The following SYT14 variants were observed in gnomAD, a reference collection of about 807,000 sequenced individuals.
SYT14 encodes the protein synaptotagmin 14, also known as synaptotagmin-14.
A neutral mutation model predicts 74.2 loss-of-function variants in SYT14; 32 were observed. The ratio of observed to expected loss-of-function variants is 0.43; its 90% CI spans 0.33 to 0.58. The LOEUF is 0.58. Ranked by LOEUF, SYT14 falls within the 20% of genes least tolerant of loss-of-function variation. The pLI is 0.05. For synonymous variants in SYT14, 298 were observed against 337.7 expected, an observed-to-expected ratio of 0.88 and a Z score of 1.29; for missense variants, 791 against 981.8, an observed-to-expected ratio of 0.81 and a Z score of 2.60.
rs1265621638 is a variant in SYT14 at position 209,958,118 on chromosome 1, T to C, written c.-486+5362T>C. Among the ~76,000 whole-genome samples, 5 of 152,232 alleles carry C rather than the reference T, an allele frequency of 3.3e-5. No homozygotes were observed. In the East Asian group the frequency reaches 9.6e-4, roughly 29 times the overall value. ...TTATATGGTTAAGAACCTAATTTCATTTTTTTAATGGTTAAGTAGTAGTTC... is the reference window on the plus strand; with the variant it reads ...TTATATGGTTAAGAACCTAATTTCACTTTTTTAATGGTTAAGTAGTAGTTC... On this transcript the variant is annotated intron_variant, in intron 2 of 9. Coordinates refer to ENST00000637265, the Ensembl canonical transcript of SYT14.
At chr1:209,938,224 G>C in exon 1 of SYT14, 2 of 1,521,560 alleles carry the variant, frequency 1.3e-6, no homozygotes, top group Non-Finnish European at 1.8e-6. Flanking sequence ...CGCGTCTGCT[G>C]CCCCCGCCAT....
chr1:210,004,608 T>C (rs2079957357), intron 2 of SYT14, among the ~76,000 whole-genome samples: 1 of 152,018 alleles, frequency 6.6e-6, no homozygotes, highest in Admixed American at 6.6e-5. Context: ...CTTCTTACTT[T>C]ATAACACCTT....
chr1:210,104,815 C>T (rs1383419339), intron 7 of SYT14, among the ~76,000 whole-genome samples: 2 of 152,090 alleles, frequency 1.3e-5, no homozygotes, highest in African/African-American at 4.8e-5. Flanking sequence ...TTCAGAGTGG[C>T]TAGCAATAAT....
At chr1:210,035,193 T>C (rs1025164462) in intron 5 of SYT14, among the ~76,000 whole-genome samples, 2 of 151,806 alleles carry the variant, frequency 1.3e-5, no homozygotes, top group African/African-American at 2.4e-5. Context: ...TGTTGGCCAT[T>C]TGCAAAATGT....
chr1:210,107,072 G>A (rs1004745823), intron 7 of SYT14, among the ~76,000 whole-genome samples: 1 of 152,228 alleles, frequency 6.6e-6, no homozygotes, highest in African/African-American at 2.4e-5. Flanking sequence ...AAATCCAATA[G>A]AGCAGTCATT....
At chr1:210,158,950 CA>C (rs1027469621) in intron 8 of SYT14, among the ~76,000 whole-genome samples, 34 of 151,806 alleles carry the variant, frequency 2.2e-4, no homozygotes, top group African/African-American at 8.2e-4. Flanking sequence ...TATTCAAGAG[CA>C]AAAAGTTCAA....
intron 5 of SYT14, among the ~76,000 whole-genome samples, chr1:210,053,282 A>G (rs183869963): frequency 6.6e-6 from 1 of 152,204 alleles, no homozygotes. Flanking sequence ...AGAGCTGTTT[A>G]AGAGAAGATT....
chr1:210,010,289 C>CACAT (rs894738390), intron 2 of SYT14, among the ~76,000 whole-genome samples: 4 of 152,292 alleles, frequency 2.6e-5, no homozygotes, highest in Non-Finnish European at 5.9e-5. Context: ...TTCCTGAATA[C>CACAT]ACATACATTC....
At chr1:210,138,108 G>T (rs2102660485) in intron 7 of SYT14, among the ~76,000 whole-genome samples, 1 of 152,218 alleles carries the variant, frequency 6.6e-6, no homozygotes, top group South Asian at 2.1e-4. Flanking sequence ...TCTCAACACT[G>T]CCAATAAAGA....
At chr1:209,960,605 G>A (rs1317913355) in intron 2 of SYT14, among the ~76,000 whole-genome samples, 2 of 148,540 alleles carry the variant, frequency 1.3e-5, no homozygotes, top group Non-Finnish European at 3.0e-5. Context: ...TTGAAGCTAG[G>A]TTGGCCACCT....
intron 2 of SYT14, among the ~76,000 whole-genome samples, chr1:209,981,280 A>G (rs1466785968): frequency 1.3e-5 from 2 of 152,130 alleles, no homozygotes; most frequent in Non-Finnish European, 2.9e-5. Flanking sequence ...CATGTTTAGA[A>G]TTCCATTAAG....
chr1:210,169,221 G>GTTTTGTTTTTTTTTTTTTTTTTTTT (rs2083492384), exon 10 of SYT14: 3 of 50,248 alleles, frequency 6.0e-5, no homozygotes, highest in African/African-American at 1.6e-4. Context: ...TGTTTTTGGT[G>GTTTTGTTTTTTTTTTTTTTTTTTTT]TTTTTTTTTT....
In SYT14 at chr1:210,100,481, G is replaced by A. The variant is rs529084819; in HGVS notation, c.2034+20G>A. ...CATTCTGTGAGTATCTCATCAAATG[G>A]CCTGAATACAGTTTATGTTCATGGT... On this transcript the variant is annotated intron_variant, in intron 7 of 9. Transcript: ENST00000637265. 1 of 1,604,004 alleles carries A rather than the reference G, an allele frequency of 6.2e-7. No individual in the cohort carries two copies. The highest frequency in any genetic ancestry group is 2.2e-5 in the East Asian group (1 of 44,804).
intron 7 of SYT14, among the ~76,000 whole-genome samples, chr1:210,136,930 C>CAGGTGGAAT (rs1228527138): frequency 5.3e-5 from 8 of 152,024 alleles, no homozygotes; most frequent in African/African-American, 1.9e-4. Context: ...ATCTGTGAGC[C>CAGGTGGAAT]AGGTGGAATT....
chr1:210,036,599 T>A (rs1379215187), intron 5 of SYT14, among the ~76,000 whole-genome samples: 1 of 152,018 alleles, frequency 6.6e-6, no homozygotes, highest in African/African-American at 2.4e-5. Flanking sequence ...TTTTGAGATA[T>A]GTTCCTTCTA....
At chr1:210,020,036 C>A (rs1198666937) in intron 4 of SYT14, among the ~76,000 whole-genome samples, 1 of 152,072 alleles carries the variant, frequency 6.6e-6, no homozygotes, top group East Asian at 1.9e-4. Flanking sequence ...GGTGTATATC[C>A]TTCCAGATAG....
exon 8 of SYT14, chr1:210,155,782 A>G (rs1558227726): frequency 6.2e-7 from 1 of 1,614,032 alleles, no homozygotes; most frequent in East Asian, 2.2e-5. Context: ...TCCTCATGTC[A>G]GTCTCTTGAA....
chr1:210,075,577 CCTGCCT>C (rs200837868), intron 5 of SYT14, among the ~76,000 whole-genome samples: 16,540 of 152,100 alleles, frequency 0.11, 1,184 homozygotes, highest in Non-Finnish European at 0.15. Flanking sequence ...TCGTGATCCG[CCTGCCT>C]CGGCCTCCCA....
chr1:210,066,501 A>G (rs1362509314), intron 5 of SYT14, among the ~76,000 whole-genome samples: 3 of 151,976 alleles, frequency 2.0e-5, no homozygotes, highest in East Asian at 3.9e-4. Flanking sequence ...TTTTTCATGT[A>G]TCTGTTGGCT....
Sources: allele counts gnomAD v4.1 joint callset (sites outside exome capture counted in the v4.1 genomes callset), GRCh38; gene constraint gnomAD v4.1.1; transcripts MANE v1.5; gene names NCBI Gene and HGNC (gene_info 2026-07-23, HGNC 2026-07-21).